NHSL1: variants seen among roughly 807,000 people sequenced by gnomAD.
NHSL1 encodes NHS like 1.
A neutral mutation model predicts 95.0 loss-of-function variants in NHSL1; 48 were observed. That is an observed-to-expected ratio of 0.51 (90% CI 0.40 to 0.64). The LOEUF is 0.64. Ranked by LOEUF, NHSL1 falls within the 30% of genes least tolerant of loss-of-function variation. NHSL1 has a pLI of 0.00. For synonymous variants in NHSL1, 783 were observed against 833.9 expected (o/e 0.94, Z 1.05); for missense variants, 1,971 against 2,077.7 (o/e 0.95, Z 1.00).
intron 1 of NHSL1, among the ~76,000 whole-genome samples, chr6:138,554,485 C>T (rs1783123754): frequency 6.6e-6 from 1 of 152,138 alleles, no homozygotes; most frequent in African/African-American, 2.4e-5. Context: ...ACAGTTCTGC[C>T]ACAATATATG....
rs117858170 is a variant in NHSL1, at chr6:138,530,860, C to T, written c.16+14763G>A. ...AAGACCACATGTTGGGTAGGGTATA[C>T]ACTGCTCAGGTGGCAAGTGCACCAA... On this transcript the variant is annotated intron_variant, in intron 1 of 4. Coordinates refer to the NHSL1 transcript ENST00000342260. Among the ~76,000 whole-genome samples, 638 of 152,254 alleles carry T rather than the reference C, an allele frequency of 4.2e-3. 2 individuals carry two copies. Among genetic ancestry groups the T allele is most frequent in the South Asian group, 0.02 (96 of 4,824 alleles).
chr6:138,543,764 T>G (rs923762570), intron 1 of NHSL1, among the ~76,000 whole-genome samples: 5 of 152,220 alleles, frequency 3.3e-5, no homozygotes, highest in African/African-American at 1.2e-4. Flanking sequence ...TTGCTTCATA[T>G]GTAGGGCAAA....
chr6:138,468,044 G>A (rs1444900200), intron 3 of NHSL1, among the ~76,000 whole-genome samples: 13 of 152,092 alleles, frequency 8.5e-5, no homozygotes, highest in Non-Finnish European at 1.8e-4. Context: ...CACTGAAACT[G>A]GCTAGAAAAA....
chr6:138,521,732 C>T (rs375688814), intron 1 of NHSL1, among the ~76,000 whole-genome samples: 1 of 151,956 alleles, frequency 6.6e-6, no homozygotes, highest in South Asian at 2.1e-4. Flanking sequence ...GAGGAGAACC[C>T]GGAGGAAACA....
chr6:138,426,965 A>G (rs1775306114), intron 7 of NHSL1, among the ~76,000 whole-genome samples: 1 of 152,226 alleles, frequency 6.6e-6, no homozygotes, highest in Non-Finnish European at 1.5e-5. Flanking sequence ...TAGTCCAACC[A>G]CTTTGGGTTT....
chr6:138,461,494 C>T (rs1777993339), intron 3 of NHSL1, among the ~76,000 whole-genome samples: 1 of 151,404 alleles, frequency 6.6e-6, no homozygotes, highest in Non-Finnish European at 1.5e-5. Context: ...GTCATGAGAG[C>T]CAAGTATTCT....
At chr6:138,434,045 G>A (rs1340785662) in intron 5 of NHSL1, among the ~76,000 whole-genome samples, 1 of 152,128 alleles carries the variant, frequency 6.6e-6, no homozygotes. Context: ...CTGGGTGACT[G>A]TGCAGACCAT....
chr6:138,614,228 C>A (rs1338022963), intron 1 of NHSL1, among the ~76,000 whole-genome samples: 1 of 152,170 alleles, frequency 6.6e-6, no homozygotes, highest in East Asian at 1.9e-4. Flanking sequence ...AGCTGGTGCT[C>A]ACCATTTGCT....
upstream of NHSL1, among the ~76,000 whole-genome samples, chr6:138,501,406 A>C (rs1780671042): frequency 6.6e-6 from 1 of 152,160 alleles, no homozygotes. Context: ...CAACAGACAA[A>C]ATAAAAAAGT....
chr6:138,549,003 G>T (rs1782906110), upstream of NHSL1, among the ~76,000 whole-genome samples: 1 of 151,016 alleles, frequency 6.6e-6, no homozygotes, highest in Non-Finnish European at 1.5e-5. Context: ...TGGAAATAAA[G>T]TCTTCATAAG....
intron 1 of NHSL1, among the ~76,000 whole-genome samples, chr6:138,687,008 T>A (rs1005480469): frequency 6.6e-6 from 1 of 152,148 alleles, no homozygotes; most frequent in African/African-American, 2.4e-5. Context: ...GGACTGGGAT[T>A]AGAGGGGGGT....
chr6:138,566,136 G>A (rs1022449371), intron 1 of NHSL1, among the ~76,000 whole-genome samples: 1 of 152,074 alleles, frequency 6.6e-6, no homozygotes, highest in Non-Finnish European at 1.5e-5. Context: ...GGTGGCTCAC[G>A]CTTGTAATCC....
At chr6:138,501,526 C>T (rs181448693), upstream of NHSL1, among the ~76,000 whole-genome samples, 15 of 152,146 alleles carry the variant, frequency 9.9e-5, no homozygotes, top group East Asian at 1.9e-3. Flanking sequence ...GAGGCAATGG[C>T]AAGAAAACAA....
chr6:138,476,957 TAAA>T (rs58311101), intron 2 of NHSL1, among the ~76,000 whole-genome samples: 3 of 100,514 alleles, frequency 3.0e-5, no homozygotes, highest in African/African-American at 3.8e-5. Flanking sequence ...TCCCTGAATC[TAAA>T]AAAAAAAAAA....
chr6:138,527,754 T>C (rs1385387673), intron 1 of NHSL1, among the ~76,000 whole-genome samples: 2 of 151,978 alleles, frequency 1.3e-5, no homozygotes, highest in African/African-American at 2.4e-5. Context: ...GAAAGAAAAA[T>C]AGTAGTTAAC....
At chr6:138,466,041 T>TGGGG (rs71009586) in intron 3 of NHSL1, among the ~76,000 whole-genome samples, 5,995 of 123,290 alleles carry the variant, frequency 0.049, 168 homozygotes, top group Non-Finnish European at 0.067. Context: ...CACTCCTTTT[T>TGGGG]GGGGGGGGGG....
intron 1 of NHSL1, among the ~76,000 whole-genome samples, chr6:138,541,953 ACATGCGGTC>A (rs1261660154): frequency 1.3e-5 from 2 of 152,234 alleles, no homozygotes; most frequent in Non-Finnish European, 2.9e-5. Flanking sequence ...ATGTGATTTT[ACATGCGGTC>A]CACTGAATTG....
chr6:138,473,098 T>C (rs1411085357), intron 3 of NHSL1, among the ~76,000 whole-genome samples: 1 of 152,250 alleles, frequency 6.6e-6, no homozygotes, highest in Non-Finnish European at 1.5e-5. Flanking sequence ...CAAAGAGTAT[T>C]GCAAGTTTCC....
intron 1 of NHSL1, among the ~76,000 whole-genome samples, chr6:138,612,905 G>C (rs1443223625): frequency 6.6e-6 from 1 of 152,132 alleles, no homozygotes; most frequent in Non-Finnish European, 1.5e-5. Context: ...TTTAAGGAAA[G>C]GGCATGGAGA....
Sources: gnomAD v4.1 joint callset for allele counts (sites outside exome capture counted in the v4.1 genomes callset) on GRCh38, gnomAD v4.1.1 for gene constraint, MANE v1.5 for transcripts, NCBI Gene and HGNC (gene_info 2026-07-23, HGNC 2026-07-21) for gene names.